PPP1R7: variants seen among roughly 807,000 people sequenced by gnomAD.
PPP1R7 encodes the protein protein phosphatase 1 regulatory subunit 7.
In PPP1R7, 18 loss-of-function variants were observed where a neutral mutation model predicts 45.2. That is an observed-to-expected ratio of 0.40 (90% CI 0.28 to 0.59). The LOEUF is 0.59. Among genes scored for constraint, PPP1R7 ranks in the 20% least tolerant of loss-of-function variants. The pLI is 0.46. For missense variants in PPP1R7, 314 were observed against 455.8 expected, an observed-to-expected ratio of 0.69 and a Z score of 2.83; for synonymous variants, 181 against 183.4, an observed-to-expected ratio of 0.99 and a Z score of 0.11.
Position 241,182,758 on chromosome 2 carries a change from C to T in PPP1R7, c.1018C>T (p.Arg340Trp), listed in dbSNP as rs1450352557. Residue 340 changes from arginine to tryptophan, a missense_variant, in exon 10 of 10, where the codon CGG becomes TGG. Transcript: ENST00000234038. ...RNPLQKDPQYRRKVMLALPSV... is the reference protein window; with the variant it reads ...RNPLQKDPQYWRKVMLALPSV... The stretch of plus-strand genomic sequence containing the variant: ...CCCCTTGCAGAAGGACCCCCAGTAC[C>T]GGCGGAAGGTCATGCTCGCCCTCCC... 4 of 1,614,050 alleles carry T rather than the reference C, an allele frequency of 2.5e-6. No individual in the cohort carries two copies. The highest frequency in any genetic ancestry group is 1.1e-5 in the South Asian group (1 of 91,090).
intron 8 of PPP1R7, chr2:241,167,169 A>C (rs1575398951): frequency 1.7e-6 from 2 of 1,192,288 alleles, no homozygotes; most frequent in Non-Finnish European, 2.4e-6. Flanking sequence ...ACTTTTTCTC[A>C]TTCAATTTTA....
At chr2:241,167,027 C>A (rs778239292) in intron 8 of PPP1R7, 2 of 1,611,688 alleles carry the variant, frequency 1.2e-6, no homozygotes, top group South Asian at 1.1e-5. Flanking sequence ...CCCTCCCTCC[C>A]CGGCCCTTCT....
rs1166657370 is a variant in PPP1R7 at position 241,166,256 on chromosome 2, CACAAA to C, written c.715-78_715-74del. The C allele has an allele frequency of 5.1e-6, 6 of 1,187,978 alleles. No individual in the cohort carries two copies. The African/African-American group carries it at 9.1e-5, about 18-fold the overall frequency. 73.6% of individuals were successfully genotyped at this position (1,187,978 alleles called of 1,614,324 possible). The stretch of plus-strand genomic sequence containing the variant: ...CTGTTCTTAGAATTCTTCAAGATAA[CACAAA>C]ACCTCGTTTCCTAAAAACCGTTTCA... On this transcript the variant is annotated intron_variant, in intron 7 of 9. Coordinates refer to ENST00000234038, the MANE Select transcript of PPP1R7 (RefSeq NM_002712.3).
chr2:241,160,911 G>A (rs1444174052), intron 6 of PPP1R7, among the ~76,000 whole-genome samples: 1 of 149,506 alleles, frequency 6.7e-6, no homozygotes, highest in South Asian at 2.2e-4. Flanking sequence ...TGTACATACC[G>A]GGGCTTTAGA....
chr2:241,165,081 A>G (rs1214414304), intron 7 of PPP1R7, among the ~76,000 whole-genome samples: 1 of 152,246 alleles, frequency 6.6e-6, no homozygotes, highest in East Asian at 1.9e-4. Context: ...TAATTAATTT[A>G]CTTTAAAATA....
rs1298842452 is a variant in PPP1R7, at chr2:241,182,812, G to A, written c.1072G>A (p.Val358Ile). 9.3e-6 allele frequency: 15 copies of A among 1,612,600 alleles called. No individual in the cohort carries two copies. The highest frequency in any genetic ancestry group is 3.3e-5 in the Admixed American group (2 of 59,976). ...CGTGCGGCAGATCGATGCCACGTTCGTCAGGTTCTGAGTCCTTCTTGGCTC... is the reference window on the plus strand; with the variant it reads ...CGTGCGGCAGATCGATGCCACGTTCATCAGGTTCTGAGTCCTTCTTGGCTC... ...PSVRQIDATF[V>I]RF The change falls in exon 10 of 10, where the codon GTC becomes ATC. Residue 358 changes from valine to isoleucine, a missense_variant. Physicochemically the swap from Val to Ile is conservative, Grantham distance 29 (BLOSUM62 3). Around this residue, in one of 3 missense-constraint regions of PPP1R7, gnomAD observed 168 missense variants for 285.3 expected, o/e 0.59. Transcript: ENST00000234038.
chr2:241,157,355 G>C (rs1381674324), intron 2 of PPP1R7, among the ~76,000 whole-genome samples: 1 of 152,220 alleles, frequency 6.6e-6, no homozygotes, highest in East Asian at 1.9e-4. Flanking sequence ...GCATGGTCTA[G>C]ATTCTAATGG....
chr2:241,153,728 G>A, intron 2 of PPP1R7, 124 bp downstream of exon 2: 1 of 1,268,680 alleles, frequency 7.9e-7, no homozygotes, highest in Non-Finnish European at 1.1e-6. Context: ...CTCCTTAGGG[G>A]TCCTCAGTGG....
chr2:241,179,857 C>T (rs2149072953), intron 9 of PPP1R7, among the ~76,000 whole-genome samples: 1 of 152,330 alleles, frequency 6.6e-6, no homozygotes, highest in African/African-American at 2.4e-5. Context: ...CAGTATCAAA[C>T]ACATTATTTA....
intron 7 of PPP1R7, among the ~76,000 whole-genome samples, chr2:241,166,065 G>A (rs929340935): frequency 6.6e-6 from 1 of 150,492 alleles, no homozygotes; most frequent in East Asian, 2.0e-4. Context: ...ATCACACCTG[G>A]CTAATTTTTT....
At chr2:241,158,351 G>T in intron 3 of PPP1R7, 133 bp from the exon 4 acceptor site, 1 of 761,740 alleles carries the variant, frequency 1.3e-6, no homozygotes, top group East Asian at 2.6e-5. Flanking sequence ...CCTTGTCACT[G>T]ACATCTGTCT....
intron 8 of PPP1R7, among the ~76,000 whole-genome samples, chr2:241,166,875 A>T (rs1345870137): frequency 2.0e-5 from 3 of 152,100 alleles, no homozygotes; most frequent in African/African-American, 7.2e-5. Context: ...CACTGGCCTC[A>T]GCCCCTACTT....
chr2:241,161,980 A>C (rs2067603130), intron 6 of PPP1R7, among the ~76,000 whole-genome samples: 1 of 152,286 alleles, frequency 6.6e-6, no homozygotes, highest in African/African-American at 2.4e-5. Flanking sequence ...TTCTGGAAGT[A>C]TTACAGCATT....
intron 1 of PPP1R7, chr2:241,151,686 T>G (rs745600238): frequency 2.5e-6 from 1 of 398,856 alleles, no homozygotes; most frequent in South Asian, 1.9e-5. Flanking sequence ...TTCAGCTGTT[T>G]CCATGTCTTG....
chr2:241,169,834 T>C lies in PPP1R7; in HGVS notation c.873T>C (p.Asn291=), dbSNP rs1183866934. ...IASNRIKKIE[N]ISHLTELQEF... ...CAAATAGAATCAAAAAGATTGAAAA[T>C]ATCAGCCATCTAACAGAGCTGCAAG... Residue 291 remains asparagine (N), a synonymous_variant, in exon 9 of 10, where the codon AAT becomes AAC. Transcript: ENST00000234038. The C allele has an allele frequency of 6.2e-7, 1 of 1,613,130 alleles. No individual in the cohort carries two copies. Among genetic ancestry groups the C allele is most frequent in the Admixed American group, 1.7e-5 (1 of 60,030 alleles).
At chr2:241,178,623 A>AT (rs60547782) in intron 9 of PPP1R7, among the ~76,000 whole-genome samples, 14,098 of 39,836 alleles carry the variant, frequency 0.35, 3,197 homozygotes, top group East Asian at 0.81. Flanking sequence ...CGCTCCGCTA[A>AT]TTTTTTTTTT....
intron 3 of PPP1R7, 77 bp from the exon 4 acceptor site, chr2:241,158,407 C>A: frequency 6.9e-7 from 1 of 1,443,034 alleles, no homozygotes; most frequent in Non-Finnish European, 9.7e-7. Context: ...TGCCCACTTC[C>A]AGGCCGCCTC....
In PPP1R7 at chr2:241,178,107, G is replaced by A. The variant is rs544922258; in HGVS notation, c.907-4540G>A. ...GCACCCCTGACCCAGGGCTGTCTGG[G>A]TGTGAGCTGCAAGGAGCGGGGGGCA... On this transcript the variant is annotated intron_variant, in intron 9 of 9. Transcript: ENST00000234038. 2.6e-5 allele frequency among the ~76,000 whole-genome samples: 4 copies of A among 152,374 alleles called. No homozygotes were observed. In the South Asian group the frequency reaches 8.3e-4, roughly 32 times the overall value.
At chr2:241,167,952 A>T (rs966961356) in intron 8 of PPP1R7, among the ~76,000 whole-genome samples, 5 of 152,164 alleles carry the variant, frequency 3.3e-5, no homozygotes, top group Admixed American at 6.6e-5. Flanking sequence ...CCAGGTGGGA[A>T]CTTAGACGAC....
Sources: allele counts gnomAD v4.1 joint callset (sites outside exome capture counted in the v4.1 genomes callset), GRCh38; gene constraint gnomAD v4.1.1; regional missense constraint gnomAD v4.1.1; transcripts MANE v1.5; gene names NCBI Gene and HGNC (gene_info 2026-07-23, HGNC 2026-07-21).